The following CNTNAP5 variants were observed in gnomAD, a reference collection of about 807,000 sequenced individuals.
The protein encoded by CNTNAP5 is contactin-associated protein-like 5.
A neutral mutation model predicts 150.2 loss-of-function variants in CNTNAP5; 72 were observed. The observed-to-expected ratio is 0.48, with a 90% confidence interval of 0.40 to 0.58. The LOEUF (loss-of-function observed/expected upper bound fraction) is 0.58. CNTNAP5 is among the 20% of genes least tolerant of loss of function. The pLI is 0.00. For missense variants in CNTNAP5, 1,636 were observed against 1,626.2 expected (o/e 1.01, Z -0.10); for synonymous variants, 672 against 619.8 (o/e 1.08, Z -1.25).
At chr2:124,669,874 G>T (rs889860595) in intron 13 of CNTNAP5, among the ~76,000 whole-genome samples, 1 of 152,150 alleles carries the variant, frequency 6.6e-6, no homozygotes, top group East Asian at 1.9e-4. Context: ...CCATTCCCAG[G>T]CCCAAGATGC....
chr2:124,375,915 C>T (rs1690636634), intron 3 of CNTNAP5, among the ~76,000 whole-genome samples: 1 of 152,054 alleles, frequency 6.6e-6, no homozygotes, highest in Non-Finnish European at 1.5e-5. Flanking sequence ...ATTCCAAATG[C>T]TTTGATGAGA....
chr2:124,235,906 C>T (rs1189061420), intron 2 of CNTNAP5, among the ~76,000 whole-genome samples: 1 of 151,930 alleles, frequency 6.6e-6, no homozygotes, highest in Non-Finnish European at 1.5e-5. Flanking sequence ...ATTTTTGCAA[C>T]CCACATGGTG....
At chr2:124,027,734 C>G (rs1273695001) in intron 1 of CNTNAP5, among the ~76,000 whole-genome samples, 1 of 152,074 alleles carries the variant, frequency 6.6e-6, no homozygotes, top group Non-Finnish European at 1.5e-5. Context: ...TCCCTATTTC[C>G]AATCAACATT....
intron 19 of CNTNAP5, among the ~76,000 whole-genome samples, chr2:124,862,447 A>G (rs1573670119): frequency 6.6e-6 from 1 of 152,236 alleles, no homozygotes; most frequent in East Asian, 1.9e-4. Context: ...CTGTCAACCT[A>G]ATGAAAGGGG....
At chr2:124,730,189 A>G (rs1206151168) in intron 13 of CNTNAP5, among the ~76,000 whole-genome samples, 7 of 152,068 alleles carry the variant, frequency 4.6e-5, no homozygotes, top group Admixed American at 4.6e-4. Context: ...CAAGTTTTTC[A>G]ATAAAAATCC....
intron 5 of CNTNAP5, among the ~76,000 whole-genome samples, chr2:124,444,848 G>A (rs1558905178): frequency 1.3e-5 from 2 of 152,026 alleles, no homozygotes; most frequent in Non-Finnish European, 2.9e-5. Context: ...CCTTCCCTCA[G>A]GTTTCAGCCT....
At chr2:124,706,760 A>AGAAGAAGAG (rs1679649433) in intron 13 of CNTNAP5, among the ~76,000 whole-genome samples, 1 of 30,704 alleles carries the variant, frequency 3.3e-5, no homozygotes, top group East Asian at 7.8e-4. Context: ...AAGAAGAAGA[A>AGAAGAAGAG]GAAGAAGAAG....
chr2:124,086,188 CTTTTTTTTTTT>C lies in CNTNAP5; in HGVS notation c.82+60472_82+60482del, dbSNP rs57849633. 3.5e-4 allele frequency among the ~76,000 whole-genome samples: 29 copies of C among 82,014 alleles called. 1 individual carries two copies. In the East Asian group the frequency reaches 6.3e-3, roughly 18 times the overall value. The allele number at this position is 82,014 out of a possible 152,430, so 53.8% of individuals were successfully genotyped here. ...TGCAGCTTTGTTTTTGGTGTACACA[CTTTTTTTTTTT>C]TTTTTTTTTTTTTTTGAAACCGAGT... On this transcript the variant is annotated intron_variant, in intron 1 of 23. Transcript: ENST00000682447.
chr2:124,254,788 G>A (rs1042185578), intron 3 of CNTNAP5, among the ~76,000 whole-genome samples: 3 of 152,136 alleles, frequency 2.0e-5, no homozygotes, highest in East Asian at 1.9e-4. Context: ...CAGAGCCATC[G>A]TACATTCATT....
At position 124,421,835 on chromosome 2, in the gene CNTNAP5, T is replaced by C. The variant is rs187503968; in HGVS notation, c.529+4245T>C. On this transcript the variant is annotated intron_variant, in intron 4 of 23. Transcript: ENST00000682447. ...CTCCTCAGAGAAGTCCCCCCGACTG[T>C]TCCTCTAAAGTCACCTGCCTTCCTT... is the stretch of plus-strand genomic sequence containing the variant. Among the ~76,000 whole-genome samples, 161 of 152,324 alleles carry C rather than the reference T, an allele frequency of 1.1e-3. 1 individual carries two copies. The highest frequency in any genetic ancestry group is 3.7e-3 in the African/African-American group (152 of 41,598).
intron 1 of CNTNAP5, among the ~76,000 whole-genome samples, chr2:124,178,095 C>G (rs544843716): frequency 1.3e-5 from 2 of 152,212 alleles, no homozygotes; most frequent in African/African-American, 4.8e-5. Context: ...GATCCACCCG[C>G]CTCGGCCTCC....
At chr2:124,204,621 C>A (rs992542949) in intron 1 of CNTNAP5, among the ~76,000 whole-genome samples, 7 of 152,104 alleles carry the variant, frequency 4.6e-5, no homozygotes, top group African/African-American at 1.7e-4. Context: ...GCTGGAAAGG[C>A]CTCACAATCA....
chr2:124,728,163 CT>C (rs1173331244), intron 13 of CNTNAP5, among the ~76,000 whole-genome samples: 3 of 151,842 alleles, frequency 2.0e-5, no homozygotes, highest in African/African-American at 7.3e-5. Flanking sequence ...GTGTGTAATT[CT>C]CTTGATGTGC....
At chr2:124,044,889 AACACACACAC>A (rs147761848) in intron 1 of CNTNAP5, among the ~76,000 whole-genome samples, 6,937 of 143,934 alleles carry the variant, frequency 0.048, 185 homozygotes, top group African/African-American at 0.07. Flanking sequence ...GTAGTGAGGA[AACACACACAC>A]ACACACACAC....
chr2:124,493,771 C>T (rs1694085139), intron 7 of CNTNAP5, among the ~76,000 whole-genome samples: 1 of 152,184 alleles, frequency 6.6e-6, no homozygotes, highest in Admixed American at 6.5e-5. Context: ...ATGGTACTTT[C>T]CCTTCACACA....
chr2:124,061,243 G>A (rs1029026057), intron 1 of CNTNAP5, among the ~76,000 whole-genome samples: 12 of 152,162 alleles, frequency 7.9e-5, no homozygotes, highest in Non-Finnish European at 1.2e-4. Flanking sequence ...CTAAAGCAGC[G>A]AAGCTTAACT....
At chr2:124,198,870 T>C (rs1466008761) in intron 1 of CNTNAP5, among the ~76,000 whole-genome samples, 1 of 151,974 alleles carries the variant, frequency 6.6e-6, no homozygotes, top group Non-Finnish European at 1.5e-5. Flanking sequence ...GATTTCTTTT[T>C]TTTTTTTTTC....
chr2:124,736,667 G>A (rs1325017840), intron 13 of CNTNAP5, among the ~76,000 whole-genome samples: 1 of 152,262 alleles, frequency 6.6e-6, no homozygotes, highest in Non-Finnish European at 1.5e-5. Context: ...AAAAGCACTT[G>A]ATTTCTTCAA....
At chr2:124,685,739 A>AGTGTGTGTGTGT (rs374079431) in intron 13 of CNTNAP5, among the ~76,000 whole-genome samples, 12 of 130,802 alleles carry the variant, frequency 9.2e-5, no homozygotes, top group African/African-American at 3.0e-4. Flanking sequence ...ATCTAAAGTA[A>AGTGTGTGTGTGT]GTGTGTGTGT....
Sources: allele counts gnomAD v4.1 joint callset (sites outside exome capture counted in the v4.1 genomes callset), GRCh38; gene constraint gnomAD v4.1.1; transcripts MANE v1.5; gene names NCBI Gene and HGNC (gene_info 2026-07-23, HGNC 2026-07-21).